Variants in RBFOX1 observed in about 807,000 individuals in gnomAD.
RBFOX1 encodes the protein RNA binding protein fox-1 homolog 1.
Under a neutral mutation model 57.7 loss-of-function variants are expected in RBFOX1, and 8 were observed. That is an observed-to-expected ratio of 0.14 (90% confidence interval 0.08 to 0.25). The LOEUF (loss-of-function observed/expected upper bound fraction) is 0.25. Among genes scored for constraint, RBFOX1 ranks in the 10% least tolerant of loss-of-function variants. The pLI is 1.00. For missense variants in RBFOX1, 611 were observed against 548.5 expected (o/e 1.11, Z -1.14); for synonymous variants, 326 against 222.4 (o/e 1.47, Z -4.15).
At chr16:7,528,749 C>A (rs1423818388) in intron 5 of RBFOX1, among the ~76,000 whole-genome samples, 1 of 152,134 alleles carries the variant, frequency 6.6e-6, no homozygotes, top group African/African-American at 2.4e-5. Flanking sequence ...GCCCTTAATT[C>A]ATGGTCATAT....
chr16:7,171,933 G>C (rs1016759732), intron 4 of RBFOX1, among the ~76,000 whole-genome samples: 13 of 152,290 alleles, frequency 8.5e-5, no homozygotes, highest in African/African-American at 3.1e-4. Context: ...ACAATTTCCA[G>C]AGAGGAGATG....
intron 3 of RBFOX1, among the ~76,000 whole-genome samples, chr16:5,801,193 T>A (rs1326045384): frequency 1.3e-5 from 2 of 152,222 alleles, no homozygotes; most frequent in Non-Finnish European, 2.9e-5. Flanking sequence ...CCTGACCTTC[T>A]ATGTAGCACA....
Position 6,097,116 on chromosome 16 carries a change from A to G in RBFOX1, c.-127+77124A>G, listed in dbSNP as rs1445192054. On this transcript the variant is annotated intron_variant, in intron 1 of 15. Coordinates refer to ENST00000550418, the MANE Select transcript of RBFOX1 (RefSeq NM_018723.4). This position sits in a 1 kb window ranked among gnomAD's most constrained non-coding sequence, Gnocchi z 5.0. ...GTCTTACTAGATCTGATGGTTTGAT[A>G]AGGGGAAATCGCTTTCACTTCGTTC... is the stretch of plus-strand genomic sequence containing the variant. Among the ~76,000 whole-genome samples, 4 of 152,076 alleles carry G rather than the reference A, an allele frequency of 2.6e-5. No individual in the cohort carries two copies. Among genetic ancestry groups the G allele is most frequent in the African/African-American group, 7.2e-5 (3 of 41,394 alleles).
intron 14 of RBFOX1, among the ~76,000 whole-genome samples, chr16:7,700,947 G>C (rs1331436632): frequency 1.3e-5 from 2 of 152,092 alleles, no homozygotes; most frequent in East Asian, 1.9e-4. Context: ...ATTTGTGTAC[G>C]TATTATGTAT....
chr16:7,489,151 T>G (rs1017924903), intron 4 of RBFOX1, among the ~76,000 whole-genome samples: 3 of 152,214 alleles, frequency 2.0e-5, no homozygotes, highest in African/African-American at 7.2e-5. Flanking sequence ...CCTCTGTCTG[T>G]CTCTGTTTCA....
chr16:6,160,217 G>A (rs902356597), intron 1 of RBFOX1, among the ~76,000 whole-genome samples: 8 of 152,180 alleles, frequency 5.3e-5, no homozygotes, highest in African/African-American at 1.9e-4. Flanking sequence ...CCATTTTAGG[G>A]AGGAAGTAGG....
In RBFOX1 at chr16:7,332,838, G is replaced by T. The variant is rs957209158; in HGVS notation, c.28-185309G>T. ...CTTTCACATTAAGAGTTGCTGATGC[G>T]GATTTTCTTTCTTTCCTCTCCCGGC... On this transcript the variant is annotated intron_variant, in intron 4 of 15. Coordinates refer to ENST00000550418, the MANE Select transcript of RBFOX1 (RefSeq NM_018723.4). The T allele has an allele frequency of 9.0e-6, 13 of 1,442,778 alleles. No individual in the cohort carries two copies. In the African/African-American group the frequency reaches 1.3e-4, roughly 14 times the overall value. 89.4% of individuals were successfully genotyped at this position (1,442,778 alleles called of 1,614,324 possible). A position where few individuals can be genotyped will look rare whatever the true frequency, so the allele number is the denominator to read the frequency against.
intron 4 of RBFOX1, among the ~76,000 whole-genome samples, chr16:7,269,875 C>T (rs910847243): frequency 6.6e-6 from 1 of 152,276 alleles, no homozygotes. Context: ...CATCCCATAA[C>T]CATAGCGTAT....
chr16:5,466,769 C>G (rs967758270), intron 1 of RBFOX1, among the ~76,000 whole-genome samples: 4 of 152,168 alleles, frequency 2.6e-5, no homozygotes, highest in African/African-American at 9.7e-5. Context: ...TGTCCATTGT[C>G]CCTGCCCCAG....
intron 2 of RBFOX1, among the ~76,000 whole-genome samples, chr16:6,469,372 C>G (rs564498666): frequency 6.6e-6 from 1 of 152,226 alleles, no homozygotes; most frequent in South Asian, 2.1e-4. Flanking sequence ...CAGTTGAAGC[C>G]TACCCTATCA....
In RBFOX1 at chr16:7,344,412, A is replaced by G. The variant is rs539114327; in HGVS notation, c.28-173735A>G. ...AAGATATAATGCAATATATATTTCA[A>G]TAATATATGCAATAATATGTATTTT... On this transcript the variant is annotated intron_variant, in intron 4 of 15. Transcript: ENST00000550418. Among the ~76,000 whole-genome samples the G allele has an allele frequency of 6.0e-5, 9 of 149,928 alleles. No homozygotes were observed. The South Asian group carries it at 1.7e-3, about 28-fold the overall frequency.
At chr16:7,467,011 A>T (rs2060643258) in intron 4 of RBFOX1, among the ~76,000 whole-genome samples, 1 of 152,166 alleles carries the variant, frequency 6.6e-6, no homozygotes, top group Non-Finnish European at 1.5e-5. Flanking sequence ...ACAGAGGCGA[A>T]CCAAACAGAT....
intron 4 of RBFOX1, among the ~76,000 whole-genome samples, chr16:7,143,214 A>G (rs758964337): frequency 1.3e-5 from 2 of 151,896 alleles, no homozygotes; most frequent in Non-Finnish European, 2.9e-5. Flanking sequence ...ATTTTTTGTC[A>G]TTTTCTTTGT....
At chr16:6,329,045 G>A (rs955042219) in intron 2 of RBFOX1, among the ~76,000 whole-genome samples, 10 of 152,060 alleles carry the variant, frequency 6.6e-5, no homozygotes, top group African/African-American at 1.2e-4. Flanking sequence ...CAATCCCCCC[G>A]ACTCTGTGTG....
At chr16:6,926,199 C>T (rs772203252) in intron 3 of RBFOX1, among the ~76,000 whole-genome samples, 2 of 152,088 alleles carry the variant, frequency 1.3e-5, no homozygotes, top group Non-Finnish European at 2.9e-5. Flanking sequence ...CTCAGCTAAT[C>T]CAGAGGCTGA....
At chr16:7,497,838 T>C (rs975771905) in intron 4 of RBFOX1, among the ~76,000 whole-genome samples, 11 of 152,226 alleles carry the variant, frequency 7.2e-5, no homozygotes, top group African/African-American at 2.4e-4. Context: ...TGGAGCGTTT[T>C]CAAGAGCCCT....
chr16:5,771,713 G>C (rs1466202743), intron 3 of RBFOX1, among the ~76,000 whole-genome samples: 1 of 152,120 alleles, frequency 6.6e-6, no homozygotes, highest in Non-Finnish European at 1.5e-5. Flanking sequence ...CCCACCAAAA[G>C]CATCTCATTT....
chr16:6,613,968 T>C (rs189230571), intron 2 of RBFOX1, among the ~76,000 whole-genome samples: 10 of 152,214 alleles, frequency 6.6e-5, no homozygotes, highest in African/African-American at 2.4e-4. Flanking sequence ...GAAGATAGAT[T>C]CAGATACTGC....
chr16:5,948,202 T>G (rs757281588), intron 4 of RBFOX1, among the ~76,000 whole-genome samples: 1 of 152,156 alleles, frequency 6.6e-6, no homozygotes, highest in Non-Finnish European at 1.5e-5. Context: ...AGGAGACATC[T>G]CACATGTTAA....
Sources: gnomAD v4.1 joint callset for allele counts (sites outside exome capture counted in the v4.1 genomes callset) on GRCh38, gnomAD v4.1.1 for gene constraint, Gnocchi (gnomAD v3.1) non-coding constraint, MANE v1.5 for transcripts, NCBI Gene and HGNC (gene_info 2026-07-23, HGNC 2026-07-21) for gene names.